ARHGEF3: variants seen among roughly 807,000 people sequenced by gnomAD.
ARHGEF3 encodes the protein Rho guanine nucleotide exchange factor 3, also known as 59.8 kDA protein.
ARHGEF3 carries 28 observed loss-of-function variants against 63.2 expected under a neutral mutation model. That is an observed-to-expected ratio of 0.44 (90% CI 0.33 to 0.61). The LOEUF (loss-of-function observed/expected upper bound fraction) is 0.61, where lower values mean the gene tolerates loss of function less well. Among genes scored for constraint, ARHGEF3 ranks in the 20% least tolerant of loss-of-function variants. The probability of loss-of-function intolerance (pLI) is 0.03; values close to 1 mark genes in which losing one functional copy is unlikely to be tolerated. For missense variants in ARHGEF3, 533 were observed against 659.3 expected (o/e 0.81, Z 2.10); for synonymous variants, 266 against 254.2 (o/e 1.05, Z -0.44).
At chr3:56,885,665 C>G (rs1350783350) in intron 3 of ARHGEF3, among the ~76,000 whole-genome samples, 2 of 152,178 alleles carry the variant, frequency 1.3e-5, no homozygotes. Flanking sequence ...CAACCCAGTT[C>G]CTGCCAGATA....
chr3:56,846,265 A>G (rs2039487776), intron 4 of ARHGEF3, among the ~76,000 whole-genome samples: 1 of 152,224 alleles, frequency 6.6e-6, no homozygotes, highest in Admixed American at 6.5e-5. Context: ...GAGCACAAGA[A>G]CACAAACATG....
intron 2 of ARHGEF3, among the ~76,000 whole-genome samples, chr3:57,019,869 T>G (rs1703179796): frequency 6.6e-6 from 1 of 152,146 alleles, no homozygotes; most frequent in African/African-American, 2.4e-5. Flanking sequence ...GGATGATGCC[T>G]TAACTCTCTA....
chr3:56,963,397 A>G (rs1700360728), intron 2 of ARHGEF3, among the ~76,000 whole-genome samples: 1 of 152,106 alleles, frequency 6.6e-6, no homozygotes. Context: ...AATATACACA[A>G]AAGAAAACAA....
intron 7 of ARHGEF3, among the ~76,000 whole-genome samples, chr3:56,741,795 G>A (rs181761221): frequency 7.9e-5 from 12 of 152,272 alleles, no homozygotes; most frequent in South Asian, 2.1e-4. Flanking sequence ...GAGCCACCGC[G>A]CCCAGCTTTG....
intron 2 of ARHGEF3, among the ~76,000 whole-genome samples, chr3:56,985,730 A>T (rs995920177): frequency 1.4e-4 from 21 of 152,236 alleles, no homozygotes; most frequent in African/African-American, 4.6e-4. Context: ...CCTCACGCAC[A>T]TTCACCATGC....
chr3:56,996,430 G>GTGA (rs1277923138), intron 2 of ARHGEF3, among the ~76,000 whole-genome samples: 1 of 152,204 alleles, frequency 6.6e-6, no homozygotes, highest in Non-Finnish European at 1.5e-5. Flanking sequence ...AATCCCCCAT[G>GTGA]TGATGGTATG....
intron 4 of ARHGEF3, among the ~76,000 whole-genome samples, chr3:56,881,581 C>A (rs768011111): frequency 5.9e-5 from 9 of 152,166 alleles, no homozygotes; most frequent in Non-Finnish European, 1.3e-4. Context: ...AGCTTTTCCA[C>A]CTTGATCATC....
intron 4 of ARHGEF3, chr3:56,882,268 G>C (rs770006224): frequency 2.0e-5 from 31 of 1,545,652 alleles, no homozygotes; most frequent in Non-Finnish European, 2.4e-5. Context: ...CGGTGCCAGT[G>C]GGGGAAGAAA....
At chr3:56,886,737 T>C (rs1287696944) in intron 3 of ARHGEF3, among the ~76,000 whole-genome samples, 1 of 152,184 alleles carries the variant, frequency 6.6e-6, no homozygotes, top group South Asian at 2.1e-4. Flanking sequence ...ATGATCTCAT[T>C]TGATCCTCAT....
intron 8 of ARHGEF3, among the ~76,000 whole-genome samples, chr3:56,734,972 T>C (rs7631008): frequency 0.4 from 60,800 of 151,934 alleles, 13,398 homozygotes; most frequent in African/African-American, 0.58. Context: ...GGGCTGAGAT[T>C]GTCTGGGCAA....
At chr3:56,774,391 A>G (rs1345348851) in intron 1 of ARHGEF3, among the ~76,000 whole-genome samples, 1 of 152,192 alleles carries the variant, frequency 6.6e-6, no homozygotes, top group African/African-American at 2.4e-5. Context: ...TGCACATATT[A>G]ATATTTATAA....
intron 2 of ARHGEF3, among the ~76,000 whole-genome samples, chr3:56,758,000 G>C (rs1465621855): frequency 6.6e-6 from 1 of 151,518 alleles, no homozygotes. Flanking sequence ...TAAAATGGCC[G>C]GGCGTGGTGG....
At chr3:56,754,851 C>T in intron 3 of ARHGEF3, 130 bp downstream of exon 3, 1 of 1,266,256 alleles carries the variant, frequency 7.9e-7, no homozygotes, top group South Asian at 1.4e-5. Flanking sequence ...AGGTCAGACA[C>T]TCTTGTTTAT....
chr3:57,065,306 A>G lies in ARHGEF3; in HGVS notation c.-28+13920T>C, dbSNP rs146442253. Among the ~76,000 whole-genome samples the G allele has an allele frequency of 3.7e-4, 56 of 152,246 alleles. 1 individual carries two copies. In the East Asian group the frequency reaches 0.011, roughly 29 times the overall value. On this transcript the variant is annotated intron_variant, in intron 1 of 12. Coordinates refer to the ARHGEF3 transcript ENST00000338458. ...GTGAAACCCTATCTCTACGAAAAAT[A>G]CAAAATTAGCCGGGTGTGATGGTGT...
At chr3:56,988,399 G>A (rs1458049479) in intron 2 of ARHGEF3, among the ~76,000 whole-genome samples, 11 of 152,046 alleles carry the variant, frequency 7.2e-5, no homozygotes, top group African/African-American at 2.4e-4. Flanking sequence ...CACCCGCTTC[G>A]GCCTCCCAAA....
At position 57,002,500 on chromosome 3, in the gene ARHGEF3, A is replaced by ATATATATATGT. The variant is rs1553802549; in HGVS notation, c.62+32587_62+32588insACATATATATA. Among the ~76,000 whole-genome samples the ATATATATATGT allele has an allele frequency of 7.8e-4, 47 of 60,122 alleles. 4 individuals are homozygous for ATATATATATGT. Among genetic ancestry groups the ATATATATATGT allele is most frequent in the Non-Finnish European group, 1.3e-3 (40 of 30,054 alleles). 39.4% of individuals were successfully genotyped at this position (60,122 alleles called of 152,430 possible). A position where few individuals can be genotyped will look rare whatever the true frequency, so the allele number is the denominator to read the frequency against. On this transcript the variant is annotated intron_variant, in intron 2 of 12. Transcript: ENST00000338458. ...TATGTTATATATATATATATATGTT[A>ATATATATATGT]TATATATATATATGTTATATATGTA...
chr3:56,746,030 A>T (rs1028722194), intron 6 of ARHGEF3, among the ~76,000 whole-genome samples: 1 of 152,228 alleles, frequency 6.6e-6, no homozygotes, highest in African/African-American at 2.4e-5. Context: ...CCTTCATTCT[A>T]GCAAAATGCT....
intron 2 of ARHGEF3, among the ~76,000 whole-genome samples, chr3:57,017,248 A>C (rs1261497424): frequency 6.6e-6 from 1 of 152,132 alleles, no homozygotes; most frequent in Non-Finnish European, 1.5e-5. Context: ...GGAGAGAGTC[A>C]GCAGAGGTTG....
At chr3:56,988,340 G>C (rs1302154447) in intron 2 of ARHGEF3, among the ~76,000 whole-genome samples, 1 of 152,014 alleles carries the variant, frequency 6.6e-6, no homozygotes, top group Non-Finnish European at 1.5e-5. Context: ...GTGGAGACGG[G>C]GTTTCACCAT....
Sources: gnomAD v4.1 joint callset for allele counts (sites outside exome capture counted in the v4.1 genomes callset) on GRCh38, gnomAD v4.1.1 for gene constraint, MANE v1.5 for transcripts, NCBI Gene and HGNC (gene_info 2026-07-23, HGNC 2026-07-21) for gene names.